The following NCAM2 variants were observed in gnomAD, a reference collection of about 807,000 sequenced individuals.
NCAM2 encodes the protein neural cell adhesion molecule 2.
Under a neutral mutation model 98.1 loss-of-function variants are expected in NCAM2, and 30 were observed. The observed-to-expected ratio is 0.31, with a 90% CI of 0.23 to 0.41. NCAM2 has a LOEUF of 0.41. Among genes scored for constraint, NCAM2 ranks in the 10% least tolerant of loss-of-function variants. NCAM2 has a pLI of 1.00. For missense variants in NCAM2, 867 were observed against 1,005.8 expected, an observed-to-expected ratio of 0.86 and a Z score of 1.87; for synonymous variants, 368 against 342.4, an observed-to-expected ratio of 1.07 and a Z score of -0.83.
chr21:21,070,958 A>T (rs1258623063), intron 1 of NCAM2, among the ~76,000 whole-genome samples: 1 of 152,044 alleles, frequency 6.6e-6, no homozygotes, highest in Non-Finnish European at 1.5e-5. Flanking sequence ...GGATGACAGT[A>T]ACATTAAACA....
chr21:21,385,415 C>CAT (rs1267753967), intron 9 of NCAM2, among the ~76,000 whole-genome samples: 1 of 151,560 alleles, frequency 6.6e-6, no homozygotes, highest in African/African-American at 2.4e-5. Context: ...CACACATACA[C>CAT]ACACACAATT....
At chr21:21,442,577 C>T (rs918159484) in intron 12 of NCAM2, among the ~76,000 whole-genome samples, 2 of 151,984 alleles carry the variant, frequency 1.3e-5, no homozygotes, top group Admixed American at 1.3e-4. Context: ...AAAGAGAGGT[C>T]TAGACTGTAG....
At chr21:21,353,068 G>A (rs1221429314) in intron 8 of NCAM2, among the ~76,000 whole-genome samples, 3 of 152,034 alleles carry the variant, frequency 2.0e-5, no homozygotes, top group Non-Finnish European at 4.4e-5. Context: ...TACCATGTTG[G>A]CCAGGCTGGA....
At chr21:21,395,476 C>T (rs2076483977) in intron 9 of NCAM2, among the ~76,000 whole-genome samples, 2 of 152,102 alleles carry the variant, frequency 1.3e-5, no homozygotes, top group Admixed American at 1.3e-4. Flanking sequence ...ATGCAATTCT[C>T]ATCAAAATAA....
intron 1 of NCAM2, among the ~76,000 whole-genome samples, chr21:21,071,717 A>G (rs375028950): frequency 6.6e-6 from 1 of 152,190 alleles, no homozygotes; most frequent in Non-Finnish European, 1.5e-5. Context: ...GTGGAAATTG[A>G]CGAAGTATAA....
intron 1 of NCAM2, among the ~76,000 whole-genome samples, chr21:21,207,607 T>C (rs1265775196): frequency 1.3e-5 from 2 of 152,060 alleles, no homozygotes; most frequent in Non-Finnish European, 2.9e-5. Flanking sequence ...TGATGGCTTA[T>C]AAAAATCTCT....
chr21:21,538,185 C>T lies in NCAM2; in HGVS notation c.*228C>T, dbSNP rs917994087. On this transcript the variant is annotated 3_prime_UTR_variant, in exon 18 of 18. Coordinates refer to ENST00000400546, the MANE Select transcript of NCAM2 (RefSeq NM_004540.5). Reference sequence around the variant, plus strand: ...TTTGTTAAGAATTTCAATATCAAGACTGACTGGCACCAACACTTTGGTATT... The same window carrying T: ...TTTGTTAAGAATTTCAATATCAAGATTGACTGGCACCAACACTTTGGTATT... 6.8e-6 allele frequency: 2 copies of T among 292,518 alleles called. No homozygotes were observed. The highest frequency in any genetic ancestry group is 1.3e-5 in the Non-Finnish European group (2 of 156,260). 18.1% of individuals were successfully genotyped at this position (292,518 alleles called of 1,614,324 possible).
intron 1 of NCAM2, among the ~76,000 whole-genome samples, chr21:20,999,767 G>C (rs4818592): frequency 0.59 from 90,016 of 151,976 alleles, 28,657 homozygotes; most frequent in East Asian, 0.82. Flanking sequence ...GTCCAGCAGG[G>C]GGTGGTAGAA....
At chr21:21,371,281 C>T (rs781767818) in intron 8 of NCAM2, among the ~76,000 whole-genome samples, 1 of 151,700 alleles carries the variant, frequency 6.6e-6, no homozygotes, top group East Asian at 1.9e-4. Context: ...ATTCTAATAA[C>T]CTTTGGAGAG....
intron 1 of NCAM2, among the ~76,000 whole-genome samples, chr21:21,117,632 T>C (rs1201023215): frequency 6.6e-6 from 1 of 152,146 alleles, no homozygotes; most frequent in Non-Finnish European, 1.5e-5. Flanking sequence ...CTAAGTAAAA[T>C]AAGCCAATAT....
At chr21:21,164,245 T>C (rs568313207) in intron 1 of NCAM2, among the ~76,000 whole-genome samples, 45 of 152,322 alleles carry the variant, frequency 3.0e-4, no homozygotes, top group African/African-American at 9.4e-4. Context: ...TGATGGAATT[T>C]TCTGTATTTT....
chr21:21,131,033 C>T (rs2066921913), intron 1 of NCAM2, among the ~76,000 whole-genome samples: 1 of 151,882 alleles, frequency 6.6e-6, no homozygotes, highest in South Asian at 2.1e-4. Context: ...CCTCTGTGAT[C>T]CATATGTGCA....
intron 16 of NCAM2, among the ~76,000 whole-genome samples, chr21:21,510,112 G>C (rs1320883334): frequency 2.0e-5 from 3 of 151,846 alleles, no homozygotes; most frequent in African/African-American, 7.3e-5. Context: ...ATATTTTCTT[G>C]AATTTCAAAA....
At chr21:21,456,277 G>C (rs1260089652) in intron 12 of NCAM2, among the ~76,000 whole-genome samples, 4 of 152,070 alleles carry the variant, frequency 2.6e-5, no homozygotes, top group Non-Finnish European at 5.9e-5. Flanking sequence ...AAAGTGGCTG[G>C]TACATGCATC....
chr21:21,038,180 T>C (rs1288821419), intron 1 of NCAM2, among the ~76,000 whole-genome samples: 1 of 152,224 alleles, frequency 6.6e-6, no homozygotes, highest in Non-Finnish European at 1.5e-5. Flanking sequence ...TCTAAATTCA[T>C]TTAAATAACT....
chr21:21,504,113 C>T (rs572147554), intron 15 of NCAM2, among the ~76,000 whole-genome samples: 1 of 151,874 alleles, frequency 6.6e-6, no homozygotes, highest in African/African-American at 2.4e-5. Flanking sequence ...TGTATTTTAT[C>T]CATATCTTTT....
intron 9 of NCAM2, among the ~76,000 whole-genome samples, chr21:21,399,893 A>G (rs2076592556): frequency 6.6e-6 from 1 of 152,232 alleles, no homozygotes. Flanking sequence ...AGGAGGAATT[A>G]CAAAAGAAAG....
At chr21:21,213,348 A>G (rs1338505767) in intron 1 of NCAM2, among the ~76,000 whole-genome samples, 1 of 152,190 alleles carries the variant, frequency 6.6e-6, no homozygotes, top group Non-Finnish European at 1.5e-5. Context: ...AAATTATTTT[A>G]GAGCTAAAGT....
intron 8 of NCAM2, among the ~76,000 whole-genome samples, chr21:21,358,820 T>C (rs906406483): frequency 6.6e-6 from 1 of 152,060 alleles, no homozygotes; most frequent in African/African-American, 2.4e-5. Flanking sequence ...AGTCTTCCAG[T>C]TGGCTCGGTA....
Sources: gnomAD v4.1 joint callset for allele counts (sites outside exome capture counted in the v4.1 genomes callset) on GRCh38, gnomAD v4.1.1 for gene constraint, MANE v1.5 for transcripts, NCBI Gene and HGNC (gene_info 2026-07-23, HGNC 2026-07-21) for gene names.